The following NRP1 variants were observed in gnomAD, a reference collection of about 807,000 sequenced individuals.
NRP1 encodes the protein neuropilin 1, also known as neuropilin-1.
A neutral mutation model predicts 106.7 loss-of-function variants in NRP1; 35 were observed. The ratio of observed to expected loss-of-function variants is 0.33; its 90% CI spans 0.25 to 0.43. The LOEUF (loss-of-function observed/expected upper bound fraction) is 0.43, where lower values mean the gene tolerates loss of function less well. Ranked by LOEUF, NRP1 falls within the 20% of genes least tolerant of loss-of-function variation. NRP1 has a pLI of 1.00. For synonymous variants in NRP1, 437 were observed against 417.9 expected (o/e 1.05, Z -0.56); for missense variants, 1,024 against 1,170.4 (o/e 0.87, Z 1.83).
chr10:33,281,808 T>C (rs1255933279), intron 2 of NRP1, among the ~76,000 whole-genome samples: 1 of 152,044 alleles, frequency 6.6e-6, no homozygotes, highest in African/African-American at 2.4e-5. Context: ...CCAAGTGAGG[T>C]TGGGATATGG....
intron 2 of NRP1, among the ~76,000 whole-genome samples, chr10:33,311,706 C>G (rs1846617581): frequency 6.6e-6 from 1 of 152,164 alleles, no homozygotes; most frequent in South Asian, 2.1e-4. Context: ...GAATCTCCCT[C>G]AATTTCTGAG....
rs368034822 is a variant in NRP1 at position 33,301,023 on chromosome 10, C to A, written c.248+29685G>T. On this transcript the variant is annotated intron_variant, in intron 2 of 16. Transcript: ENST00000374867. ...ATTTTTGGGGTTCATACTGGCTGCACCCCTTTCCATGGGGTTGCTGCCCCA... is the reference window on the plus strand; with the variant it reads ...ATTTTTGGGGTTCATACTGGCTGCAACCCTTTCCATGGGGTTGCTGCCCCA... 6.2e-4 allele frequency among the ~76,000 whole-genome samples: 94 copies of A among 152,306 alleles called. No homozygotes were observed. In the South Asian group the frequency reaches 6.4e-3, roughly 10 times the overall value.
At chr10:33,273,425 T>C (rs1412572061) in intron 2 of NRP1, among the ~76,000 whole-genome samples, 1 of 152,206 alleles carries the variant, frequency 6.6e-6, no homozygotes, top group African/African-American at 2.4e-5. Flanking sequence ...CTGGCAAGCG[T>C]GCTGCCAGGA....
chr10:33,334,210 T>TAAC (rs1564499780), intron 1 of NRP1, 100 bp downstream of exon 1: 1 of 1,105,788 alleles, frequency 9.0e-7, no homozygotes, highest in East Asian at 2.6e-5. Context: ...GAGTCGGTTG[T>TAAC]TCCCGGCTGA....
intron 6 of NRP1, among the ~76,000 whole-genome samples, chr10:33,242,596 T>G (rs1392172526): frequency 6.6e-6 from 1 of 152,172 alleles, no homozygotes; most frequent in African/African-American, 2.4e-5. Context: ...ATCAAAAAAT[T>G]TTTCTTCAGT....
At chr10:33,300,560 A>C (rs1007494306) in intron 2 of NRP1, among the ~76,000 whole-genome samples, 4 of 152,116 alleles carry the variant, frequency 2.6e-5, no homozygotes, top group Non-Finnish European at 5.9e-5. Context: ...TGGGAAAGGA[A>C]AATAAATCTT....
At chr10:33,197,762 C>A (rs373963068) in intron 11 of NRP1, 53 bp from the exon 12 acceptor site, 2 of 1,093,508 alleles carry the variant, frequency 1.8e-6, no homozygotes, top group Non-Finnish European at 2.8e-6. Context: ...AGCGAATATG[C>A]AGGAGAAAAA....
intron 6 of NRP1, among the ~76,000 whole-genome samples, chr10:33,236,616 A>G (rs2133041110): frequency 6.6e-6 from 1 of 152,310 alleles, no homozygotes; most frequent in African/African-American, 2.4e-5. Flanking sequence ...ACCCTGTAAG[A>G]TTAAATAGAG....
rs192102399 is a variant in NRP1 at position 33,327,025 on chromosome 10, A to G, written c.248+3683T>C. On this transcript the variant is annotated intron_variant, in intron 2 of 16. Coordinates refer to ENST00000374867, the MANE Select transcript of NRP1 (RefSeq NM_003873.7). ...AATGACTTAACCATCCCTATACTCT[A>G]CAAAAGAAAACTGTTTACTTGGGTT... is the stretch of plus-strand genomic sequence containing the variant. Among the ~76,000 whole-genome samples, 511 of 152,290 alleles carry G rather than the reference A, an allele frequency of 3.4e-3. 4 individuals are homozygous for G. Among genetic ancestry groups the G allele is most frequent in the South Asian group, 0.012 (59 of 4,830 alleles).
At chr10:33,215,130 T>C (rs952264915) in intron 8 of NRP1, among the ~76,000 whole-genome samples, 1 of 152,218 alleles carries the variant, frequency 6.6e-6, no homozygotes, top group East Asian at 1.9e-4. Flanking sequence ...TCATTTTGAC[T>C]TCATCCCATT....
intron 2 of NRP1, among the ~76,000 whole-genome samples, chr10:33,322,348 T>C (rs1406964251): frequency 6.6e-6 from 1 of 152,188 alleles, no homozygotes. Flanking sequence ...TTTCCATTCC[T>C]AAGTTAAGGC....
intron 2 of NRP1, among the ~76,000 whole-genome samples, chr10:33,278,008 T>C (rs12774340): frequency 0.12 from 17,675 of 152,226 alleles, 1,134 homozygotes; most frequent in East Asian, 0.15. Context: ...TTCTTACTTC[T>C]TGTAGTCCTT....
intron 16 of NRP1, 94 bp from the exon 17 acceptor site, chr10:33,180,459 C>G (rs1835615585): frequency 7.9e-7 from 1 of 1,259,410 alleles, no homozygotes; most frequent in African/African-American, 1.5e-5. Context: ...AGGAGCAAAT[C>G]ACACACCCCA....
intron 16 of NRP1, among the ~76,000 whole-genome samples, chr10:33,180,967 G>C (rs1835648860): frequency 6.6e-6 from 1 of 152,236 alleles, no homozygotes; most frequent in African/African-American, 2.4e-5. Flanking sequence ...CATGTAAACA[G>C]AGTGTGGCTC....
At chr10:33,221,340 T>C (rs1839225954) in intron 8 of NRP1, among the ~76,000 whole-genome samples, 1 of 152,240 alleles carries the variant, frequency 6.6e-6, no homozygotes, top group Non-Finnish European at 1.5e-5. Flanking sequence ...CTTGCCTTCA[T>C]GGAGCTTACA....
chr10:33,290,268 T>C (rs1844899349), intron 2 of NRP1, among the ~76,000 whole-genome samples: 1 of 152,086 alleles, frequency 6.6e-6, no homozygotes. Flanking sequence ...AGTTTCCAAA[T>C]CTGTGCTAGT....
intron 16 of NRP1, among the ~76,000 whole-genome samples, chr10:33,181,220 G>A (rs1197147284): frequency 6.6e-6 from 1 of 152,206 alleles, no homozygotes; most frequent in East Asian, 1.9e-4. Flanking sequence ...ACTTAATGGT[G>A]TTCTGATCAA....
At chr10:33,211,973 T>A (rs1476204733) in intron 9 of NRP1, 1 of 152,226 alleles carries the variant, frequency 6.6e-6, no homozygotes, top group African/African-American at 2.4e-5. Flanking sequence ...GGTCCATATT[T>A]GAATCCTAAA....
chr10:33,292,845 G>T (rs1174939790), intron 2 of NRP1, among the ~76,000 whole-genome samples: 1 of 152,066 alleles, frequency 6.6e-6, no homozygotes, highest in Non-Finnish European at 1.5e-5. Flanking sequence ...AAAATTAGCT[G>T]GGTGTGGTGG....
Sources: allele counts gnomAD v4.1 joint callset (sites outside exome capture counted in the v4.1 genomes callset), GRCh38; gene constraint gnomAD v4.1.1; transcripts MANE v1.5; gene names NCBI Gene and HGNC (gene_info 2026-07-23, HGNC 2026-07-21).